Variants in MICAL2 observed in about 807,000 individuals in gnomAD.
MICAL2 encodes the protein microtubule associated monooxygenase, calponin and LIM domain containing 2, also known as [F-actin]-monooxygenase MICAL2.
MICAL2 carries 77 observed loss-of-function variants against 127.3 expected under a neutral mutation model. That is an observed-to-expected ratio of 0.60 (90% CI 0.50 to 0.73). The LOEUF (loss-of-function observed/expected upper bound fraction) is 0.73, where lower values mean the gene tolerates loss of function less well. Among genes scored for constraint, MICAL2 ranks in the 30% least tolerant of loss-of-function variants. The pLI is 0.00. For missense variants in MICAL2, 1,351 were observed against 1,434.4 expected (o/e 0.94, Z 0.94); for synonymous variants, 570 against 551.1 (o/e 1.03, Z -0.48).
chr11:12,139,693 G>T (rs1017610816), intron 2 of MICAL2, among the ~76,000 whole-genome samples: 1 of 152,146 alleles, frequency 6.6e-6, no homozygotes, highest in African/African-American at 2.4e-5. Flanking sequence ...GAGCTGATTG[G>T]CCAGTCTGCC....
intron 29 of MICAL2, among the ~76,000 whole-genome samples, chr11:12,313,029 G>A (rs1367937154): frequency 6.6e-6 from 1 of 151,984 alleles, no homozygotes; most frequent in African/African-American, 2.4e-5. Context: ...TTAGCAGGGC[G>A]GCATGGCGGG....
intron 34 of MICAL2, among the ~76,000 whole-genome samples, chr11:12,355,781 G>C (rs1043867867): frequency 1.3e-5 from 2 of 152,134 alleles, no homozygotes; most frequent in Non-Finnish European, 2.9e-5. Flanking sequence ...ACAGATCAGG[G>C]TCTCCTGTTC....
intron 8 of MICAL2, among the ~76,000 whole-genome samples, chr11:12,217,360 A>G (rs1300736193): frequency 6.6e-6 from 1 of 152,158 alleles, no homozygotes. Context: ...TCTCCACTTC[A>G]GCTCAGGTCT....
intron 26 of MICAL2, 51 bp downstream of exon 26, chr11:12,259,948 C>T (rs535669346): frequency 6.3e-7 from 1 of 1,595,396 alleles, no homozygotes; most frequent in South Asian, 1.1e-5. Flanking sequence ...CCTCAGGCTG[C>T]CGAGGGACCT....
intron 3 of MICAL2, among the ~76,000 whole-genome samples, chr11:12,186,406 A>G (rs998590104): frequency 3.2e-4 from 48 of 152,162 alleles, no homozygotes; most frequent in Non-Finnish European, 1.6e-4. Context: ...TTTAATGACA[A>G]CTATCATTTG....
At chr11:12,182,605 C>G (rs571058645) in intron 3 of MICAL2, among the ~76,000 whole-genome samples, 2 of 152,290 alleles carry the variant, frequency 1.3e-5, no homozygotes, top group South Asian at 4.1e-4. Context: ...TAGTAGATGG[C>G]CTCTCTAAGG....
intron 3 of MICAL2, among the ~76,000 whole-genome samples, chr11:12,168,430 T>A (rs1855808735): frequency 6.7e-6 from 1 of 150,098 alleles, no homozygotes; most frequent in Non-Finnish European, 1.5e-5. Context: ...CCACACACCA[T>A]ATACACACAT....
At chr11:12,119,636 G>T (rs1016509668) in intron 1 of MICAL2, among the ~76,000 whole-genome samples, 1 of 152,132 alleles carries the variant, frequency 6.6e-6, no homozygotes, top group African/African-American at 2.4e-5. Flanking sequence ...GTTGAGGCCC[G>T]CCCTCATAGG....
At chr11:12,118,262 G>A (rs565404595) in intron 1 of MICAL2, among the ~76,000 whole-genome samples, 1 of 152,332 alleles carries the variant, frequency 6.6e-6, no homozygotes, top group South Asian at 2.1e-4. Flanking sequence ...CGCACACATA[G>A]ATGCACGGTA....
downstream of MICAL2, among the ~76,000 whole-genome samples, chr11:12,296,387 A>G (rs1367884389): frequency 3.3e-5 from 5 of 151,624 alleles, no homozygotes; most frequent in African/African-American, 9.7e-5. Flanking sequence ...TTTATTTTCA[A>G]CCAGGTTCAG....
At chr11:12,165,005 G>A (rs185082112) in intron 3 of MICAL2, among the ~76,000 whole-genome samples, 190 of 152,082 alleles carry the variant, frequency 1.2e-3, no homozygotes, top group African/African-American at 4.1e-3. Context: ...CAGGTGTGGT[G>A]GCAAGTGCCT....
intron 3 of MICAL2, among the ~76,000 whole-genome samples, chr11:12,173,243 G>A (rs942437975): frequency 6.6e-6 from 1 of 152,184 alleles, no homozygotes; most frequent in African/African-American, 2.4e-5. Flanking sequence ...AGGGTAGCGA[G>A]CTATACCAAA....
At chr11:12,190,580 C>G (rs1858965965) in intron 3 of MICAL2, among the ~76,000 whole-genome samples, 1 of 152,222 alleles carries the variant, frequency 6.6e-6, no homozygotes, top group South Asian at 2.1e-4. Context: ...AGTTGTTTCA[C>G]AGACAAGGTT....
intron 16 of MICAL2, among the ~76,000 whole-genome samples, chr11:12,236,791 A>G (rs79390303): frequency 0.023 from 3,536 of 152,330 alleles, 151 homozygotes; most frequent in African/African-American, 0.082. Flanking sequence ...TCAAGGGGAA[A>G]GAGTGTCAGT....
intron 32 of MICAL2, among the ~76,000 whole-genome samples, chr11:12,339,648 T>C (rs1002520126): frequency 1.3e-5 from 2 of 152,198 alleles, no homozygotes; most frequent in African/African-American, 4.8e-5. Flanking sequence ...TTTCTGTTTG[T>C]TAGTTTTCCT....
intron 7 of MICAL2, among the ~76,000 whole-genome samples, chr11:12,213,832 T>C (rs1161783729): frequency 6.6e-6 from 1 of 152,192 alleles, no homozygotes; most frequent in Admixed American, 6.5e-5. Flanking sequence ...CAGTCACCTA[T>C]GGATGGTTCC....
chr11:12,295,326 G>T (rs1863972341), downstream of MICAL2, among the ~76,000 whole-genome samples: 1 of 151,612 alleles, frequency 6.6e-6, no homozygotes, highest in Non-Finnish European at 1.5e-5. Context: ...TTTTAGTAGA[G>T]ATGGGGTTTT....
chr11:12,192,827 C>T (rs536365591), intron 3 of MICAL2, among the ~76,000 whole-genome samples: 1 of 152,122 alleles, frequency 6.6e-6, no homozygotes, highest in South Asian at 2.1e-4. Flanking sequence ...GGAGAGGAGC[C>T]GTGGGTCATT....
chr11:12,244,245 T>C, intron 21 of MICAL2, 133 bp downstream of exon 21: 2 of 1,245,648 alleles, frequency 1.6e-6, no homozygotes, highest in Non-Finnish European at 2.3e-6. Flanking sequence ...TTTACACCAG[T>C]GCTGGATTCA....
Sources: gnomAD v4.1 joint callset for allele counts (sites outside exome capture counted in the v4.1 genomes callset) on GRCh38, gnomAD v4.1.1 for gene constraint, MANE v1.5 for transcripts, NCBI Gene and HGNC (gene_info 2026-07-23, HGNC 2026-07-21) for gene names.